LAMC3: variants seen among roughly 807,000 people sequenced by gnomAD.
The protein encoded by LAMC3 is laminin subunit gamma-3.
Under a neutral mutation model 173.8 loss-of-function variants are expected in LAMC3, and 128 were observed. The ratio of observed to expected loss-of-function variants is 0.74; its 90% confidence interval spans 0.64 to 0.85. The LOEUF (loss-of-function observed/expected upper bound fraction) is 0.85. Ranked by LOEUF, LAMC3 falls within the 40% of genes least tolerant of loss-of-function variation. The pLI is 0.00. For missense variants in LAMC3, 2,022 were observed against 2,156.0 expected (o/e 0.94, Z 1.23); for synonymous variants, 897 against 909.1 (o/e 0.99, Z 0.24).
chr9:131,092,131 A>T lies in LAMC3; in HGVS notation c.*344A>T. 1 of 369,574 alleles carries T rather than the reference A, an allele frequency of 2.7e-6. No individual in the cohort carries two copies. The highest frequency in any genetic ancestry group is 2.5e-5 in the South Asian group (1 of 39,356). 22.9% of individuals were successfully genotyped at this position (369,574 alleles called of 1,614,324 possible). A position where few individuals can be genotyped will look rare whatever the true frequency, so the allele number is the denominator to read the frequency against. On this transcript the variant is annotated 3_prime_UTR_variant, in exon 28 of 28. Transcript: ENST00000361069. ...GTCTAATCCATCCAGTCAGCAGCTT[A>T]CGGTCCACACACATTACAGTCCACA...
At chr9:131,048,963 G>A (rs1834228715) in intron 8 of LAMC3, 57 bp from the exon 9 acceptor site, 1 of 1,152,630 alleles carries the variant, frequency 8.7e-7, no homozygotes, top group African/African-American at 1.5e-5. Context: ...GCTGGCACCT[G>A]GAGACCACCC....
chr9:131,013,262 G>C (rs1015555008), intron 1 of LAMC3, among the ~76,000 whole-genome samples: 2 of 152,160 alleles, frequency 1.3e-5, no homozygotes, highest in African/African-American at 4.8e-5. Flanking sequence ...GTCCAGGCTA[G>C]GCTGGTCCAC....
chr9:131,056,728 G>A (rs1456684517), intron 11 of LAMC3, among the ~76,000 whole-genome samples: 1 of 152,006 alleles, frequency 6.6e-6, no homozygotes, highest in Non-Finnish European at 1.5e-5. Context: ...AGGAGTCGAG[G>A]CTACAGAGCT....
intron 13 of LAMC3, among the ~76,000 whole-genome samples, chr9:131,062,860 C>T (rs1330305043): frequency 6.6e-6 from 1 of 150,596 alleles, no homozygotes; most frequent in African/African-American, 2.4e-5. Context: ...CAGAGCAAGA[C>T]TCCATCTCAA....
At chr9:131,073,155 A>G in intron 19 of LAMC3, 90 bp from the exon 20 acceptor site, 7 of 994,050 alleles carry the variant, frequency 7.0e-6, no homozygotes, top group Non-Finnish European at 1.1e-5. Context: ...GACGGGTGCC[A>G]TCCAGTTCTG....
chr9:131,088,056 G>C (rs992208611), intron 27 of LAMC3, among the ~76,000 whole-genome samples: 1 of 152,138 alleles, frequency 6.6e-6, no homozygotes, highest in African/African-American at 2.4e-5. Context: ...GTGCCTCCAG[G>C]GCCCTCTATT....
chr9:131,072,650 G>A lies in LAMC3; in HGVS notation c.3232G>A (p.Glu1078Lys). 6.2e-7 allele frequency: 1 copy of A among 1,610,790 alleles called. No individual in the cohort carries two copies. Reference protein sequence around the residue: ...LLPGAREAFLEQMMSLEGAVK... With the variant: ...LLPGAREAFLKQMMSLEGAVK... ...CATAGGGGCTCGGGAAGCCTTCCTG[G>A]AGCAGATGATGAGCCTCGAGGGTGC... The change falls in exon 19 of 28, where the codon GAG (glutamate) becomes AAG (lysine). Residue 1078 changes from glutamate to lysine, a missense_variant. Transcript: ENST00000361069.
intron 12 of LAMC3, among the ~76,000 whole-genome samples, chr9:131,057,830 G>A (rs887957549): frequency 9.2e-5 from 14 of 152,260 alleles, no homozygotes; most frequent in African/African-American, 3.1e-4. Context: ...GGGAAGCGCA[G>A]ATAATGAAAG....
In LAMC3 at chr9:131,029,573, A is replaced by G. The variant is rs1000248811; in HGVS notation, c.679-2472A>G. 2.0e-5 allele frequency among the ~76,000 whole-genome samples: 3 copies of G among 152,218 alleles called. No individual in the cohort carries two copies. The highest frequency in any genetic ancestry group is 4.4e-5 in the Non-Finnish European group (3 of 68,032). On this transcript the variant is annotated intron_variant, in intron 2 of 27. Transcript: ENST00000361069. This position sits in a 1 kb window ranked among gnomAD's most constrained non-coding sequence, Gnocchi z 4.6. Reference sequence around the variant, plus strand: ...AAACCAAGAGCAGAGCAGGACAAAGAGAGGCAAGTCTACCTTGCTCTTTTC... The same window carrying G: ...AAACCAAGAGCAGAGCAGGACAAAGGGAGGCAAGTCTACCTTGCTCTTTTC...
At chr9:131,054,881 A>G (rs777031524) in intron 11 of LAMC3, among the ~76,000 whole-genome samples, 1 of 152,192 alleles carries the variant, frequency 6.6e-6, no homozygotes, top group South Asian at 2.1e-4. Context: ...GTAATCACAC[A>G]GTACGATATT....
At chr9:131,078,712 G>A (rs1261546125) in intron 22 of LAMC3, among the ~76,000 whole-genome samples, 1 of 152,180 alleles carries the variant, frequency 6.6e-6, no homozygotes, top group Non-Finnish European at 1.5e-5. Flanking sequence ...TATAAGTCTG[G>A]GAAATTCTGC....
intron 8 of LAMC3, among the ~76,000 whole-genome samples, chr9:131,046,110 A>C (rs1174063271): frequency 6.6e-6 from 1 of 151,628 alleles, no homozygotes; most frequent in African/African-American, 2.4e-5. Context: ...GACCTACAAA[A>C]GGTAGGCCAC....
At chr9:131,067,504 C>A (rs551926009) in intron 14 of LAMC3, among the ~76,000 whole-genome samples, 2 of 152,278 alleles carry the variant, frequency 1.3e-5, no homozygotes, top group African/African-American at 4.8e-5. Context: ...ACCCGGTGAT[C>A]GCCCTGCGCC....
chr9:131,068,898 C>A lies in LAMC3; in HGVS notation c.2748-10C>A. 1 of 1,613,904 alleles carries A rather than the reference C, an allele frequency of 6.2e-7. No homozygotes were observed. The highest frequency in any genetic ancestry group is 8.5e-7 in the Non-Finnish European group (1 of 1,179,986). On this transcript the variant is annotated splice_polypyrimidine_tract_variant and intron_variant, in intron 15 of 27. Transcript: ENST00000361069. The stretch of plus-strand genomic sequence containing the variant: ...GCTTGCCTCAGACCCAGTTCCTTCC[C>A]TGATCACAGCTGCAAGTGTCACCCA...
At chr9:131,076,089 G>A in intron 21 of LAMC3, 124 bp downstream of exon 21, 1 of 1,020,360 alleles carries the variant, frequency 9.8e-7, no homozygotes, top group South Asian at 1.7e-5. Flanking sequence ...TGTCGTTGGT[G>A]TCTTGGGTCT....
intron 21 of LAMC3, among the ~76,000 whole-genome samples, chr9:131,076,172 T>TG (rs1333147896): frequency 1.3e-5 from 2 of 152,094 alleles, no homozygotes; most frequent in Non-Finnish European, 2.9e-5. Flanking sequence ...CACTTTTGCC[T>TG]GGGGGGATGC....
In LAMC3 at chr9:131,071,582, G is replaced by A; in HGVS notation, c.3168G>A (p.Glu1056=). ...GACCACTAGACATTCTGCTGGGAGA[G>A]GCCCCAAGGGGGGACGTCTACCAGG... ...PWGPLDILLG[E]APRGDVYQGH... Residue 1056 remains glutamate, a synonymous_variant, in exon 18 of 28, where the codon GAG becomes GAA. Coordinates refer to ENST00000361069, the MANE Select transcript of LAMC3 (RefSeq NM_006059.4). 2 of 1,606,914 alleles carry A rather than the reference G, an allele frequency of 1.2e-6. No homozygotes were observed. Among genetic ancestry groups the A allele is most frequent in the Non-Finnish European group, 1.7e-6 (2 of 1,175,094 alleles).
chr9:131,035,117 T>A (rs1470003317), intron 3 of LAMC3, among the ~76,000 whole-genome samples: 1 of 152,092 alleles, frequency 6.6e-6, no homozygotes, highest in Non-Finnish European at 1.5e-5. Context: ...CACCTGGCTA[T>A]TTTTGTATTT....
Position 131,052,538 on chromosome 9 carries a change from C to T in LAMC3, c.1678C>T (p.Leu560=). 6.2e-7 allele frequency: 1 copy of T among 1,614,212 alleles called. No individual in the cohort carries two copies. Among genetic ancestry groups the T allele is most frequent in the Non-Finnish European group, 8.5e-7 (1 of 1,180,016 alleles). ...GTTCAGCTATGGGCAGCCCCTCATA[C>T]TGACCTTCCGGGTGCCCCCCGGGGA... The part of the protein sequence containing the change: ...QRFSYGQPLI[L]TFRVPPGDSP... Residue 560 remains leucine (L), a synonymous_variant, in exon 10 of 28, where the codon CTG becomes TTG. Transcript: ENST00000361069.
Sources: gnomAD v4.1 joint callset for allele counts (sites outside exome capture counted in the v4.1 genomes callset) on GRCh38, gnomAD v4.1.1 for gene constraint, Gnocchi (gnomAD v3.1) non-coding constraint, MANE v1.5 for transcripts, NCBI Gene and HGNC (gene_info 2026-07-23, HGNC 2026-07-21) for gene names.